Variants in SFMBT2 observed in about 807,000 individuals in gnomAD.
The protein encoded by SFMBT2 is Scm like with four mbt domains 2, also known as scm-like with four MBT domains protein 2.
In SFMBT2, 38 loss-of-function variants were observed where a neutral mutation model predicts 110.1. The observed-to-expected ratio is 0.35, with a 90% CI of 0.27 to 0.45. The LOEUF (loss-of-function observed/expected upper bound fraction) is 0.45. Among genes scored for constraint, SFMBT2 ranks in the 20% least tolerant of loss-of-function variants. The probability of loss-of-function intolerance (pLI) is 1.00; values close to 1 mark genes in which losing one functional copy is unlikely to be tolerated. For missense variants in SFMBT2, 1,011 were observed against 1,094.9 expected (o/e 0.92, Z 1.08); for synonymous variants, 425 against 425.4 (o/e 1.00, Z 0.01).
intron 7 of SFMBT2, among the ~76,000 whole-genome samples, chr10:7,255,223 AT>A (rs924001274): frequency 6.6e-6 from 1 of 152,214 alleles, no homozygotes; most frequent in Admixed American, 6.5e-5. Context: ...CCTGAAGACA[AT>A]TCGCCAAACC....
intron 4 of SFMBT2, among the ~76,000 whole-genome samples, chr10:7,295,823 C>T (rs1842393319): frequency 6.6e-6 from 1 of 152,146 alleles, no homozygotes; most frequent in South Asian, 2.1e-4. Context: ...TGATTAGCCC[C>T]TTAGGTAACA....
chr10:7,354,013 G>A (rs1844415059), intron 4 of SFMBT2, among the ~76,000 whole-genome samples: 1 of 151,506 alleles, frequency 6.6e-6, no homozygotes, highest in Non-Finnish European at 1.5e-5. Flanking sequence ...CTCGAACCCG[G>A]GAGTTGGAGG....
intron 4 of SFMBT2, among the ~76,000 whole-genome samples, chr10:7,289,425 G>A (rs1842198106): frequency 1.3e-5 from 2 of 152,100 alleles, no homozygotes; most frequent in Non-Finnish European, 2.9e-5. Context: ...AAATTTAAAC[G>A]GTCAAAGTCA....
chr10:7,311,001 C>T (rs1233864988), intron 4 of SFMBT2, among the ~76,000 whole-genome samples: 2 of 139,988 alleles, frequency 1.4e-5, no homozygotes, highest in Non-Finnish European at 3.0e-5. Context: ...GAGCCAAGAT[C>T]GTGCTATTGC....
At position 7,345,792 on chromosome 10, in the gene SFMBT2, C is replaced by G. The variant is rs371554140; in HGVS notation, c.436+21857G>C. Reference sequence around the variant, plus strand: ...CTTCCCTTCTCCCCAGACCCATCAACAGATGGTCTTAACCGAGTGTTCTAG... The same window carrying G: ...CTTCCCTTCTCCCCAGACCCATCAAGAGATGGTCTTAACCGAGTGTTCTAG... On this transcript the variant is annotated intron_variant, in intron 4 of 20. Coordinates refer to ENST00000397167, the MANE Select transcript of SFMBT2 (RefSeq NM_001387889.1). Among the ~76,000 whole-genome samples the G allele has an allele frequency of 1.1e-4, 16 of 152,350 alleles. No homozygotes were observed. In the East Asian group the frequency reaches 3.1e-3, roughly 29 times the overall value.
intron 7 of SFMBT2, among the ~76,000 whole-genome samples, chr10:7,262,082 G>A (rs181637368): frequency 1.6e-4 from 25 of 152,314 alleles, no homozygotes; most frequent in African/African-American, 5.5e-4. Flanking sequence ...TTTTCCATTA[G>A]CTCTCAAACC....
intron 4 of SFMBT2, among the ~76,000 whole-genome samples, chr10:7,304,624 C>T (rs1842643265): frequency 1.3e-5 from 2 of 152,158 alleles, no homozygotes; most frequent in Non-Finnish European, 2.9e-5. Flanking sequence ...CTGTCCAGGC[C>T]CTTAGACTTT....
intron 6 of SFMBT2, among the ~76,000 whole-genome samples, chr10:7,281,789 G>C (rs901956024): frequency 1.3e-5 from 2 of 152,096 alleles, no homozygotes; most frequent in Non-Finnish European, 2.9e-5. Flanking sequence ...CTTTCCTGTT[G>C]ATGATTTAAA....
chr10:7,394,001 A>AT (rs199724791), intron 1 of SFMBT2, among the ~76,000 whole-genome samples: 3,922 of 150,632 alleles, frequency 0.026, 89 homozygotes, highest in Non-Finnish European at 0.038. Flanking sequence ...AAGTATTGTG[A>AT]TTTTTTTTTT....
At chr10:7,345,229 C>T (rs1844071870) in intron 4 of SFMBT2, among the ~76,000 whole-genome samples, 1 of 152,184 alleles carries the variant, frequency 6.6e-6, no homozygotes, top group Non-Finnish European at 1.5e-5. Flanking sequence ...TTCCATGTCC[C>T]AGACCTTGTA....
chr10:7,290,112 G>C (rs1226394656), intron 4 of SFMBT2, among the ~76,000 whole-genome samples: 1 of 152,012 alleles, frequency 6.6e-6, no homozygotes, highest in East Asian at 1.9e-4. Context: ...CCCAACTACG[G>C]CATCAAAGAT....
At chr10:7,406,416 A>AT (rs1213537360) in intron 1 of SFMBT2, among the ~76,000 whole-genome samples, 2 of 151,452 alleles carry the variant, frequency 1.3e-5, no homozygotes, top group African/African-American at 4.9e-5. Flanking sequence ...CAATGCTTCC[A>AT]TCGCTCACTA....
chr10:7,410,158 A>C (rs1324857466), intron 1 of SFMBT2, among the ~76,000 whole-genome samples: 3 of 152,244 alleles, frequency 2.0e-5, no homozygotes, highest in Non-Finnish European at 4.4e-5. Flanking sequence ...AAAGCCCCTA[A>C]GTGACAGGAT....
At position 7,228,723 on chromosome 10, in the gene SFMBT2, CT is replaced by C. The variant is rs1275127829; in HGVS notation, c.1121-787del. Among the ~76,000 whole-genome samples the C allele has an allele frequency of 4.0e-4, 46 of 115,236 alleles. 1 individual carries two copies. The highest frequency in any genetic ancestry group is 1.8e-3 in the African/African-American group (44 of 24,710). The allele number at this position is 115,236 out of a possible 152,430, so 75.6% of individuals were successfully genotyped here. On this transcript the variant is annotated intron_variant, in intron 9 of 20. Coordinates refer to ENST00000397167, the MANE Select transcript of SFMBT2 (RefSeq NM_001387889.1). Reference sequence around the variant, plus strand: ...TCTTTCTTTCTTTCTTTCTTTCTTTCTTTCTTTCTTTCCTTTCTCTCTCTCT... The same window carrying C: ...TCTTTCTTTCTTTCTTTCTTTCTTTCTTCTTTCTTTCCTTTCTCTCTCTCT...
rs1247994500 is a variant in SFMBT2, at chr10:7,400,572, AG to A, written c.-52+10288del. 5.4e-4 allele frequency among the ~76,000 whole-genome samples: 83 copies of A among 152,302 alleles called. 1 individual carries two copies. The highest frequency in any genetic ancestry group is 5.4e-3 in the Admixed American group (83 of 15,296). On this transcript the variant is annotated intron_variant, in intron 1 of 20. Coordinates refer to ENST00000397167, the MANE Select transcript of SFMBT2 (RefSeq NM_001387889.1). ...GGTTGGCATCTCCTCACCTAAAGGC[AG>A]GGGGCACAGGCTTGGCAGGGATTAG...
chr10:7,313,249 T>G (rs570263291), intron 4 of SFMBT2, among the ~76,000 whole-genome samples: 1 of 151,884 alleles, frequency 6.6e-6, no homozygotes, highest in South Asian at 2.1e-4. Context: ...TTCTCAATTG[T>G]ATTGTTCTAC....
intron 4 of SFMBT2, among the ~76,000 whole-genome samples, chr10:7,345,405 C>G (rs1382015544): frequency 1.3e-5 from 2 of 152,184 alleles, no homozygotes; most frequent in Non-Finnish European, 2.9e-5. Flanking sequence ...GTCACCCAGG[C>G]TAGAGTGCAG....
intron 9 of SFMBT2, among the ~76,000 whole-genome samples, chr10:7,231,898 C>T (rs1840117720): frequency 6.6e-6 from 1 of 152,170 alleles, no homozygotes; most frequent in African/African-American, 2.4e-5. Flanking sequence ...AAACAAATTG[C>T]TGTGGATGGT....
rs1841796166 is a variant in SFMBT2, at chr10:7,276,903, C to T, written c.859G>A (p.Glu287Lys). The stretch of plus-strand genomic sequence containing the variant: ...AATCAACATCTTACCTTAAACACTT[C>T]CATTGGAAGAGGAAATTTGGCAGCA... ...IDAAKFPLPM[E>K]VFKDHADLRS... Residue 287 changes from glutamate to lysine, a missense_variant, in exon 7 of 21, where the codon GAA becomes AAA. Physicochemically the swap from Glu to Lys is moderately conservative, Grantham distance 56 (BLOSUM62 1). Around this residue, in one of 2 missense-constraint regions of SFMBT2, gnomAD observed 979 missense variants for 1,016.1 expected, o/e 0.96. Coordinates refer to ENST00000397167, the MANE Select transcript of SFMBT2 (RefSeq NM_001387889.1). 1.1e-6 allele frequency: 1 copy of T among 871,532 alleles called. No individual in the cohort carries two copies. The highest frequency in any genetic ancestry group is 1.3e-5 in the South Asian group (1 of 76,524). The allele number at this position is 871,532 out of a possible 1,614,324, so 54.0% of individuals were successfully genotyped here. A position where few individuals can be genotyped will look rare whatever the true frequency, so the allele number is the denominator to read the frequency against.
Sources: gnomAD v4.1 joint callset for allele counts (sites outside exome capture counted in the v4.1 genomes callset) on GRCh38, gnomAD v4.1.1 for gene constraint, gnomAD v4.1.1 regional missense constraint, MANE v1.5 for transcripts, NCBI Gene and HGNC (gene_info 2026-07-23, HGNC 2026-07-21) for gene names.